Variants in CA1 observed in about 807,000 individuals in gnomAD.
CA1 encodes carbonic anhydrase 1.
Under a neutral mutation model 28.8 loss-of-function variants are expected in CA1, and 27 were observed. The observed-to-expected ratio is 0.94, with a 90% CI of 0.69 to 1.29. The LOEUF is 1.29. Ranked by LOEUF, CA1 falls within the 50% of genes most tolerant of loss-of-function variation. The probability of loss-of-function intolerance (pLI) is 0.00; values close to 1 mark genes in which losing one functional copy is unlikely to be tolerated. For missense variants in CA1, 335 were observed against 310.5 expected (o/e 1.08, Z -0.59); for synonymous variants, 121 against 108.8 (o/e 1.11, Z -0.70).
intron 1 of CA1, among the ~76,000 whole-genome samples, chr8:85,356,550 C>T (rs1000632456): frequency 6.6e-6 from 1 of 152,034 alleles, no homozygotes; most frequent in Non-Finnish European, 1.5e-5. Context: ...ATGGTTGGAT[C>T]CATTTAGTAT....
Position 85,345,067 on chromosome 8 carries a change from A to G in CA1, c.-24-3408T>C, listed in dbSNP as rs547192814. Among the ~76,000 whole-genome samples the G allele has an allele frequency of 1.7e-4, 26 of 152,294 alleles. No homozygotes were observed. In the South Asian group the frequency reaches 4.8e-3, roughly 28 times the overall value. On this transcript the variant is annotated intron_variant, in intron 1 of 7. Transcript: ENST00000523022. ...GCCTGGACATTTCTGCATTGAGACA[A>G]CTAGAAATTCTGATTAATCAACTGA...
chr8:85,365,137 A>G (rs1247018572), intron 1 of CA1, among the ~76,000 whole-genome samples: 1 of 152,208 alleles, frequency 6.6e-6, no homozygotes, highest in Non-Finnish European at 1.5e-5. Flanking sequence ...CATCACCGGT[A>G]TATAAAAGGG....
chr8:85,369,287 A>G (rs1810129725), intron 1 of CA1, among the ~76,000 whole-genome samples: 1 of 152,060 alleles, frequency 6.6e-6, no homozygotes, highest in South Asian at 2.1e-4. Context: ...TTTATATCAG[A>G]TTTCATCTTT....
At chr8:85,348,201 C>A (rs1809276889) in intron 1 of CA1, among the ~76,000 whole-genome samples, 2 of 152,132 alleles carry the variant, frequency 1.3e-5, no homozygotes, top group African/African-American at 4.8e-5. Context: ...CATAAGATTT[C>A]TTGAATTTTT....
At chr8:85,367,605 C>G (rs1476481596) in intron 1 of CA1, among the ~76,000 whole-genome samples, 2 of 152,210 alleles carry the variant, frequency 1.3e-5, no homozygotes, top group Non-Finnish European at 2.9e-5. Flanking sequence ...ATTGCCCAGC[C>G]TCACCTTCAG....
At chr8:85,337,901 A>G (rs1808727761) in intron 3 of CA1, 1 of 376,766 alleles carries the variant, frequency 2.7e-6, no homozygotes, top group Non-Finnish European at 5.1e-6. Context: ...TCCCAATTAG[A>G]AAATATTTTT....
chr8:85,344,860 A>G lies in CA1; in HGVS notation c.-24-3201T>C, dbSNP rs911589616. 3.9e-5 allele frequency among the ~76,000 whole-genome samples: 6 copies of G among 152,342 alleles called. No homozygotes were observed. The South Asian group carries it at 8.3e-4, about 21-fold the overall frequency. On this transcript the variant is annotated intron_variant, in intron 1 of 7. Coordinates refer to ENST00000523022, the MANE Select transcript of CA1 (RefSeq NM_001128831.4). ...ACAATAAGTGGCTTTCCTGGGATTC[A>G]TATTTTCCCTAAAATGAGGAAATAT... is the stretch of plus-strand genomic sequence containing the variant.
chr8:85,354,039 C>G (rs1809509188), intron 1 of CA1, among the ~76,000 whole-genome samples: 1 of 151,634 alleles, frequency 6.6e-6, no homozygotes, highest in South Asian at 2.1e-4. Context: ...TCTCGGCTCA[C>G]TGCAACCTCT....
chr8:85,328,488 T>A lies in CA1; in HGVS notation c.*72A>T. ...TTGAAATAAATTTATTTCTTAAAAA[T>A]TATTATTTTACTGGATTATGTCAGA... On this transcript the variant is annotated 3_prime_UTR_variant, in exon 8 of 8. Transcript: ENST00000523022. 1.2e-6 allele frequency: 1 copy of A among 855,550 alleles called. No homozygotes were observed. The highest frequency in any genetic ancestry group is 2.5e-5 in the East Asian group (1 of 40,652). The allele number at this position is 855,550 out of a possible 1,614,324, so 53.0% of individuals were successfully genotyped here. A position where few individuals can be genotyped will look rare whatever the true frequency, so the allele number is the denominator to read the frequency against.
At chr8:85,352,015 G>T (rs1278126369) in intron 1 of CA1, among the ~76,000 whole-genome samples, 1 of 152,090 alleles carries the variant, frequency 6.6e-6, no homozygotes, top group Non-Finnish European at 1.5e-5. Context: ...AAAACAAACG[G>T]TACCATGGCA....
rs376042856 is a variant in CA1, at chr8:85,332,621, T to C, written c.451-69A>G. 1.0e-3 allele frequency: 1,231 copies of C among 1,218,146 alleles called. 10 individuals are homozygous for C. In the African/African-American group the frequency reaches 0.016, roughly 16 times the overall value. 75.5% of individuals were successfully genotyped at this position (1,218,146 alleles called of 1,614,324 possible). A position where few individuals can be genotyped will look rare whatever the true frequency, so the allele number is the denominator to read the frequency against. On this transcript the variant is annotated intron_variant, in intron 5 of 7. Transcript: ENST00000523022. ...AATCGAACACTGCTTAGCTAAATTT[T>C]GAATTTTTTTTCAATTAACAACTGA...
In CA1 at chr8:85,331,482, A is replaced by T. The variant is rs983020808; in HGVS notation, c.513+1008T>A. Among the ~76,000 whole-genome samples, 17 of 151,754 alleles carry T rather than the reference A, an allele frequency of 1.1e-4. No homozygotes were observed. The East Asian group carries it at 1.4e-3, about 12-fold the overall frequency. Reference sequence around the variant, plus strand: ...TTATTTATTTATTTATTTAAGATGGAGTCTCACTCTTTTACCCAGGCTGGA... The same window carrying T: ...TTATTTATTTATTTATTTAAGATGGTGTCTCACTCTTTTACCCAGGCTGGA... On this transcript the variant is annotated intron_variant, in intron 6 of 7. Transcript: ENST00000523022.
chr8:85,365,300 T>G (rs778931393), intron 1 of CA1, among the ~76,000 whole-genome samples: 1 of 152,094 alleles, frequency 6.6e-6, no homozygotes, highest in Non-Finnish European at 1.5e-5. Flanking sequence ...CATGAAAAAA[T>G]TACAGGCACA....
intron 1 of CA1, among the ~76,000 whole-genome samples, chr8:85,376,675 AAAT>A (rs1385065369): frequency 1.1e-4 from 17 of 148,364 alleles, no homozygotes; most frequent in Admixed American, 1.0e-3. Context: ...ATAAATAAAT[AAAT>A]AAATAAATAA....
chr8:85,338,692 C>CCT (rs1808783201), intron 2 of CA1, among the ~76,000 whole-genome samples: 2 of 90,740 alleles, frequency 2.2e-5, no homozygotes, highest in South Asian at 6.7e-4. Flanking sequence ...TTCCTTCTTT[C>CCT]TCTCTCTCTC....
intron 6 of CA1, 151 bp downstream of exon 6, chr8:85,332,339 A>G: frequency 1.1e-5 from 7 of 650,838 alleles, no homozygotes; most frequent in Middle Eastern, 4.2e-4. Flanking sequence ...ACTTTCTCAG[A>G]GGTAGGCAGT....
At position 85,331,329 on chromosome 8, in the gene CA1, CT is replaced by C. The variant is rs1253587341; in HGVS notation, c.513+1160del. Reference sequence around the variant, plus strand: ...TTCTAATAATGTTTTATATGTACGGCTTTTTTTCTCTTTATCCAGCTTCCCC... The same window carrying C: ...TTCTAATAATGTTTTATATGTACGGCTTTTTTCTCTTTATCCAGCTTCCCC... On this transcript the variant is annotated intron_variant, in intron 6 of 7. Coordinates refer to ENST00000523022, the MANE Select transcript of CA1 (RefSeq NM_001128831.4). Among the ~76,000 whole-genome samples the C allele has an allele frequency of 2.0e-5, 3 of 152,036 alleles. No individual in the cohort carries two copies. The East Asian group carries it at 5.8e-4, about 29-fold the overall frequency.
At chr8:85,329,595 A>G in intron 7 of CA1, 94 bp downstream of exon 7, 1 of 1,129,326 alleles carries the variant, frequency 8.9e-7, no homozygotes, top group Non-Finnish European at 1.3e-6. Flanking sequence ...CTTCTCACAA[A>G]GCTGACTGAA....
rs1006045675 is a variant in CA1, at chr8:85,333,384, T to G, written c.450+141A>C. 1.1e-5 allele frequency: 7 copies of G among 617,154 alleles called. No individual in the cohort carries two copies. The African/African-American group carries it at 1.3e-4, about 11-fold the overall frequency. The allele number at this position is 617,154 out of a possible 1,614,324, so 38.2% of individuals were successfully genotyped here. A position where few individuals can be genotyped will look rare whatever the true frequency, so the allele number is the denominator to read the frequency against. On this transcript the variant is annotated intron_variant, in intron 5 of 7. Transcript: ENST00000523022. ...ACCAAGCAATAAAATACTAGGGAACTATTTGTTCACCTGTAGTCATCGGTT... is the reference window on the plus strand; with the variant it reads ...ACCAAGCAATAAAATACTAGGGAACGATTTGTTCACCTGTAGTCATCGGTT...
Sources: allele counts gnomAD v4.1 joint callset (sites outside exome capture counted in the v4.1 genomes callset), GRCh38; gene constraint gnomAD v4.1.1; transcripts MANE v1.5; gene names NCBI Gene and HGNC (gene_info 2026-07-23, HGNC 2026-07-21).